PEBP4: variants seen among roughly 807,000 people sequenced by gnomAD.
PEBP4 encodes phosphatidylethanolamine-binding protein 4.
Under a neutral mutation model 23.9 loss-of-function variants are expected in PEBP4, and 22 were observed. The ratio of observed to expected loss-of-function variants is 0.92; its 90% confidence interval spans 0.66 to 1.31. PEBP4 has a LOEUF of 1.31. Ranked by LOEUF, PEBP4 falls within the 40% of genes most tolerant of loss-of-function variation. The pLI, the probability that PEBP4 is intolerant of heterozygous loss-of-function variation, is 0.00. For missense variants in PEBP4, 324 were observed against 281.7 expected (o/e 1.15, Z -1.07); for synonymous variants, 112 against 99.3 (o/e 1.13, Z -0.76).
At chr8:22,839,373 A>T (rs980196429) in intron 3 of PEBP4, among the ~76,000 whole-genome samples, 4 of 152,052 alleles carry the variant, frequency 2.6e-5, no homozygotes, top group Non-Finnish European at 4.4e-5. Context: ...AAGGAGCTAG[A>T]TGGGCTCAAG....
At chr8:22,917,128 A>AGGGGGGGGGGGGG (rs67211429) in intron 3 of PEBP4, among the ~76,000 whole-genome samples, 4 of 108,262 alleles carry the variant, frequency 3.7e-5, no homozygotes, top group Non-Finnish European at 7.9e-5. Flanking sequence ...GGGGCGGGGG[A>AGGGGGGGGGGGGG]GGGGGGGGTG....
chr8:22,730,457 C>T (rs1295102061), intron 4 of PEBP4, among the ~76,000 whole-genome samples: 1 of 152,220 alleles, frequency 6.6e-6, no homozygotes, highest in Non-Finnish European at 1.5e-5. Context: ...GGGAGGATCA[C>T]CTGAGCCCAG....
chr8:22,918,828 C>T (rs1809134324), intron 3 of PEBP4, among the ~76,000 whole-genome samples: 1 of 152,214 alleles, frequency 6.6e-6, no homozygotes, highest in Non-Finnish European at 1.5e-5. Context: ...GGCTTCCTTT[C>T]TCTGCTCCTC....
chr8:22,920,958 C>T (rs563547290), intron 2 of PEBP4, among the ~76,000 whole-genome samples: 6 of 152,298 alleles, frequency 3.9e-5, no homozygotes, highest in Non-Finnish European at 5.9e-5. Context: ...TGAACCAGTT[C>T]ATGTATTTGC....
intron 1 of PEBP4, among the ~76,000 whole-genome samples, chr8:22,935,955 T>C (rs545872773): frequency 1.3e-5 from 2 of 150,712 alleles, no homozygotes; most frequent in East Asian, 3.9e-4. Flanking sequence ...TTGTAAATGC[T>C]TATATTAAAA....
At chr8:22,713,644 G>A (rs1487061142) in intron 6 of PEBP4, 108 bp from the exon 7 acceptor site, 1 of 1,484,930 alleles carries the variant, frequency 6.7e-7, no homozygotes, top group East Asian at 2.3e-5. Context: ...GGCAGCAGGT[G>A]ATGCGATGGC....
chr8:22,862,534 A>C (rs1420454957), intron 3 of PEBP4, among the ~76,000 whole-genome samples: 1 of 152,166 alleles, frequency 6.6e-6, no homozygotes, highest in Non-Finnish European at 1.5e-5. Flanking sequence ...GAGTACAGTC[A>C]TAACAAGGAT....
At chr8:22,904,247 G>A (rs1048793079) in intron 3 of PEBP4, among the ~76,000 whole-genome samples, 7 of 152,274 alleles carry the variant, frequency 4.6e-5, no homozygotes, top group Admixed American at 3.3e-4. Context: ...AGGGCTCTCC[G>A]TACCTGGAAG....
At chr8:22,738,306 G>A (rs534274766) in intron 4 of PEBP4, among the ~76,000 whole-genome samples, 5 of 152,208 alleles carry the variant, frequency 3.3e-5, no homozygotes, top group East Asian at 3.9e-4. Context: ...AGGCGGGCTC[G>A]GCTCAGGAGA....
At chr8:22,820,995 C>T (rs747366389) in intron 3 of PEBP4, among the ~76,000 whole-genome samples, 4 of 151,858 alleles carry the variant, frequency 2.6e-5, no homozygotes, top group Non-Finnish European at 5.9e-5. Context: ...GGAGTTCAGA[C>T]CCACCTGGGC....
At chr8:22,867,375 C>G (rs1290423792) in intron 3 of PEBP4, among the ~76,000 whole-genome samples, 1 of 152,146 alleles carries the variant, frequency 6.6e-6, no homozygotes, top group East Asian at 1.9e-4. Flanking sequence ...TTTACTCTTG[C>G]TCAGATCCGA....
intron 6 of PEBP4, among the ~76,000 whole-genome samples, chr8:22,719,477 G>C (rs1466929942): frequency 6.6e-6 from 1 of 152,182 alleles, no homozygotes; most frequent in Non-Finnish European, 1.5e-5. Context: ...CCAGGGAGGG[G>C]GTGTGTGCGT....
chr8:22,795,071 G>A (rs775129827), intron 4 of PEBP4, among the ~76,000 whole-genome samples: 22 of 144,208 alleles, frequency 1.5e-4, no homozygotes, highest in Non-Finnish European at 3.1e-4. Context: ...TCAGTGATAT[G>A]TCTGTGTATT....
intron 3 of PEBP4, among the ~76,000 whole-genome samples, chr8:22,898,341 G>A (rs981687830): frequency 8.3e-5 from 11 of 132,366 alleles, no homozygotes; most frequent in Admixed American, 4.5e-4. Flanking sequence ...GCAGTGAGCC[G>A]AGATCACACC....
intron 4 of PEBP4, among the ~76,000 whole-genome samples, chr8:22,781,159 C>A (rs1805906747): frequency 6.6e-6 from 1 of 152,254 alleles, no homozygotes; most frequent in Non-Finnish European, 1.5e-5. Flanking sequence ...GGTGACAGAA[C>A]CTTTGGGGAC....
chr8:22,920,291 G>T lies in PEBP4; in HGVS notation c.151C>A (p.Pro51Thr). ...TTGCAGCCAATGTTCCCCAACTCTG[G>T]GTAGAAAACTTCAAGGCCCCTATGA... ...LFCQGLEVFY[P>T]ELGNIGCKVV... The change falls in exon 3 of 7, where the codon CCA becomes ACA. Residue 51 changes from proline to threonine, a missense_variant. Pro to Thr is a conservative substitution (Grantham distance 38). Transcript: ENST00000256404. The T allele has an allele frequency of 6.2e-7, 1 of 1,613,236 alleles. No homozygotes were observed. Among genetic ancestry groups the T allele is most frequent in the Non-Finnish European group, 8.5e-7 (1 of 1,179,354 alleles).
rs917638614 is a variant in PEBP4 at position 22,745,413 on chromosome 8, C to A, written c.358-18193G>T. On this transcript the variant is annotated intron_variant, in intron 4 of 6. Transcript: ENST00000256404. Reference sequence around the variant, plus strand: ...TTCAGGGCAGGGGCAGAGGCTGGGGCCCCATGGCTAAAAGTTTCACGGATC... The same window carrying A: ...TTCAGGGCAGGGGCAGAGGCTGGGGACCCATGGCTAAAAGTTTCACGGATC... Among the ~76,000 whole-genome samples, 3 of 152,252 alleles carry A rather than the reference C, an allele frequency of 2.0e-5. No homozygotes were observed. In the South Asian group the frequency reaches 6.2e-4, roughly 32 times the overall value.
chr8:22,716,488 A>T (rs993476170), intron 6 of PEBP4, among the ~76,000 whole-genome samples: 1 of 152,210 alleles, frequency 6.6e-6, no homozygotes, highest in Admixed American at 6.5e-5. Context: ...CCCTGTCTTC[A>T]GCAGCTGGGG....
At chr8:22,934,729 C>G (rs1359657852) in intron 1 of PEBP4, among the ~76,000 whole-genome samples, 1 of 152,090 alleles carries the variant, frequency 6.6e-6, no homozygotes, top group African/African-American at 2.4e-5. Context: ...AAACAAATAA[C>G]AAAATGGCAA....
Sources: gnomAD v4.1 joint callset for allele counts (sites outside exome capture counted in the v4.1 genomes callset) on GRCh38, gnomAD v4.1.1 for gene constraint, MANE v1.5 for transcripts, NCBI Gene and HGNC (gene_info 2026-07-23, HGNC 2026-07-21) for gene names.